ZBTB42: variants seen among roughly 807,000 people sequenced by gnomAD.
The protein encoded by ZBTB42 is zinc finger and BTB domain-containing protein 42.
ZBTB42 carries 3 observed loss-of-function variants against 4.7 expected under a neutral mutation model. That is an observed-to-expected ratio of 0.64 (90% CI 0.29 to 1.66). ZBTB42 has a LOEUF of 1.66. ZBTB42 is among the 40% of genes most tolerant of loss of function. The probability of loss-of-function intolerance (pLI) is 0.10; values close to 1 mark genes in which losing one functional copy is unlikely to be tolerated. For synonymous variants in ZBTB42, 255 were observed against 259.5 expected, an observed-to-expected ratio of 0.98 and a Z score of 0.17; for missense variants, 521 against 577.1, an observed-to-expected ratio of 0.90 and a Z score of 1.00.
Position 104,801,560 on chromosome 14 carries a change from G to A in ZBTB42, c.363G>A (p.Lys121=), listed in dbSNP as rs944946638. The A allele has an allele frequency of 5.2e-6, 8 of 1,550,106 alleles. No individual in the cohort carries two copies. Among genetic ancestry groups the A allele is most frequent in the Non-Finnish European group, 7.0e-6 (8 of 1,146,848 alleles). ...VKVCKGRLQE[K]DRSLDPGNPA... ...TCTGCAAGGGCAGGCTCCAGGAGAAGGATCGAAGTCTGGACCCGGGGAACC... is the reference window on the plus strand; with the variant it reads ...TCTGCAAGGGCAGGCTCCAGGAGAAAGATCGAAGTCTGGACCCGGGGAACC... The change falls in exon 1 of 1, where the codon AAG becomes AAA. Residue 121 remains lysine (K), a synonymous_variant. Transcript: ENST00000342537. This position sits in a 1 kb window ranked among gnomAD's most constrained non-coding sequence, Gnocchi z 4.4.
chr14:104,802,043 G>A lies in ZBTB42; in HGVS notation c.846G>A (p.Ala282=). Residue 282 remains alanine, a synonymous_variant, in exon 1 of 1, where the codon GCG becomes GCA. Transcript: ENST00000342537. This position sits in a 1 kb window ranked among gnomAD's most constrained non-coding sequence, Gnocchi z 5.9. The part of the protein sequence containing the change: ...RELELGAGRL[A]SEDELGPGGP... ...TGGAGCTTGGTGCAGGGCGACTGGC[G>A]AGTGAGGACGAGCTGGGGCCTGGTG... is the stretch of plus-strand genomic sequence containing the variant. The A allele has an allele frequency of 1.3e-6, 2 of 1,496,048 alleles. No individual in the cohort carries two copies. The highest frequency in any genetic ancestry group is 2.5e-5 in the East Asian group (1 of 40,438). The allele number at this position is 1,496,048 out of a possible 1,614,324, so 92.7% of individuals were successfully genotyped here.
rs1276997573 is a variant in ZBTB42 at position 104,804,054 on chromosome 14, A to G, written c.*1588A>G. ...GGCCCTGGATGGCTTTGGTCTCGAG[A>G]CAGCTGGGGGAGGGGCCCTGCTTCT... is the stretch of plus-strand genomic sequence containing the variant. On this transcript the variant is annotated 3_prime_UTR_variant, in exon 1 of 1. Coordinates refer to ENST00000342537, the MANE Select transcript of ZBTB42 (RefSeq NM_001137601.3). 3 of 166,746 alleles carry G rather than the reference A, an allele frequency of 1.8e-5. No homozygotes were observed. 10.3% of individuals were successfully genotyped at this position (166,746 alleles called of 1,614,324 possible). A position where few individuals can be genotyped will look rare whatever the true frequency, so the allele number is the denominator to read the frequency against.
In ZBTB42 at chr14:104,802,696, C is replaced by T. The variant is rs1000065107; in HGVS notation, c.*230C>T. The T allele has an allele frequency of 1.7e-5, 11 of 636,162 alleles. No homozygotes were observed. Among genetic ancestry groups the T allele is most frequent in the Non-Finnish European group, 2.8e-5 (10 of 362,886 alleles). The allele number at this position is 636,162 out of a possible 1,614,324, so 39.4% of individuals were successfully genotyped here. A position where few individuals can be genotyped will look rare whatever the true frequency, so the allele number is the denominator to read the frequency against. On this transcript the variant is annotated 3_prime_UTR_variant, in exon 1 of 1. Coordinates refer to ENST00000342537, the MANE Select transcript of ZBTB42 (RefSeq NM_001137601.3). This position sits in a 1 kb window ranked among gnomAD's most constrained non-coding sequence, Gnocchi z 5.9. ...TCTCCTTTCCCCTCACTCTCCAACT[C>T]ATTCCGGCCCCCAGGCTGTGCCCTG... is the stretch of plus-strand genomic sequence containing the variant.
At position 104,801,812 on chromosome 14, in the gene ZBTB42, C is replaced by T; in HGVS notation, c.615C>T (p.Cys205=). 1.3e-6 allele frequency: 2 copies of T among 1,549,960 alleles called. No homozygotes were observed. The highest frequency in any genetic ancestry group is 1.2e-5 in the South Asian group (1 of 84,004). The part of the protein sequence containing the change: ...GPRQERVHPP[C]VLQTPLCSQR... ...GGCAGGAGCGGGTCCACCCACCGTG[C>T]GTCCTCCAGACACCCCTCTGCAGCC... Residue 205 remains cysteine (C), a synonymous_variant, in exon 1 of 1, where the codon TGC becomes TGT. Coordinates refer to ENST00000342537, the MANE Select transcript of ZBTB42 (RefSeq NM_001137601.3). The surrounding 1 kb of genome is among the most constrained non-coding windows in gnomAD (Gnocchi z 4.4).
chr14:104,801,070 G>A, upstream of ZBTB42: 3 of 1,258,112 alleles, frequency 2.4e-6, no homozygotes, highest in Non-Finnish European at 2.1e-6. This position sits in a 1 kb window ranked among gnomAD's most constrained non-coding sequence, Gnocchi z 4.4. Flanking sequence ...GGCTCTGGAC[G>A]GGAGGTTGCG....
In ZBTB42 at chr14:104,802,691, C is replaced by T; in HGVS notation, c.*225C>T. Reference sequence around the variant, plus strand: ...TTGCCTCTCCTTTCCCCTCACTCTCCAACTCATTCCGGCCCCCAGGCTGTG... The same window carrying T: ...TTGCCTCTCCTTTCCCCTCACTCTCTAACTCATTCCGGCCCCCAGGCTGTG... On this transcript the variant is annotated 3_prime_UTR_variant, in exon 1 of 1. Coordinates refer to ENST00000342537, the MANE Select transcript of ZBTB42 (RefSeq NM_001137601.3). This position sits in a 1 kb window ranked among gnomAD's most constrained non-coding sequence, Gnocchi z 5.9. The T allele has an allele frequency of 1.5e-6, 1 of 648,866 alleles. No homozygotes were observed. The highest frequency in any genetic ancestry group is 2.7e-6 in the Non-Finnish European group (1 of 373,188). 40.2% of individuals were successfully genotyped at this position (648,866 alleles called of 1,614,324 possible). A position where few individuals can be genotyped will look rare whatever the true frequency, so the allele number is the denominator to read the frequency against.
Position 104,801,209 on chromosome 14 carries a change from T to C in ZBTB42, c.12T>C (p.Pro4=). Residue 4 remains proline, a synonymous_variant, in exon 1 of 1, where the codon CCT becomes CCC. Coordinates refer to ENST00000342537, the MANE Select transcript of ZBTB42 (RefSeq NM_001137601.3). This position sits in a 1 kb window ranked among gnomAD's most constrained non-coding sequence, Gnocchi z 4.4. ...ATGACGGCGGCGGCATGGAGTTCCC[T>C]GAGCACGGCGGACGGCTGCTGGGCC... is the stretch of plus-strand genomic sequence containing the variant. MEF[P]EHGGRLLGRL... is the part of the protein sequence containing the mutation. The C allele has an allele frequency of 7.0e-7, 1 of 1,437,440 alleles. No homozygotes were observed. The highest frequency in any genetic ancestry group is 9.1e-7 in the Non-Finnish European group (1 of 1,099,034). The allele number at this position is 1,437,440 out of a possible 1,614,324, so 89.0% of individuals were successfully genotyped here. A position where few individuals can be genotyped will look rare whatever the true frequency, so the allele number is the denominator to read the frequency against.
Position 104,803,787 on chromosome 14 carries a change from C to G in ZBTB42, c.*1321C>G, listed in dbSNP as rs1894108919. On this transcript the variant is annotated 3_prime_UTR_variant, in exon 1 of 1. Coordinates refer to ENST00000342537, the MANE Select transcript of ZBTB42 (RefSeq NM_001137601.3). ...TGGGGGTCGGCAGGTGCAGAGCCAC[C>G]TGGACGCCTGGAGACCACCTGGGAT... 6.0e-6 allele frequency: 1 copy of G among 166,880 alleles called. No homozygotes were observed. The highest frequency in any genetic ancestry group is 6.5e-5 in the Admixed American group (1 of 15,294). The allele number at this position is 166,880 out of a possible 1,614,324, so 10.3% of individuals were successfully genotyped here.
At chr14:104,800,730 G>GCCCGC, upstream of ZBTB42, 1 of 145,770 alleles carries the variant, frequency 6.9e-6, no homozygotes, top group East Asian at 2.0e-4. This position sits in a 1 kb window ranked among gnomAD's most constrained non-coding sequence, Gnocchi z 5.3. Flanking sequence ...TCCCGGCTCT[G>GCCCGC]CCCGCCCCGC....
Position 104,803,071 on chromosome 14 carries a change from T to A in ZBTB42, c.*605T>A. On this transcript the variant is annotated 3_prime_UTR_variant, in exon 1 of 1. Transcript: ENST00000342537. ...TCTGGGCACAGCTGGTGTCTCGGGG[T>A]GGGGGGGGGGGTGCAGCCCCAGCAG... 1.3e-5 allele frequency: 1 copy of A among 77,350 alleles called. No individual in the cohort carries two copies. The highest frequency in any genetic ancestry group is 5.9e-4 in the East Asian group (1 of 1,690). 4.8% of individuals were successfully genotyped at this position (77,350 alleles called of 1,614,324 possible).
Position 104,801,513 on chromosome 14 carries a change from C to G in ZBTB42, c.316C>G (p.His106Asp), listed in dbSNP as rs1340062680. The change falls in exon 1 of 1, where the codon CAC becomes GAC. Residue 106 changes from histidine (H) to aspartate (D), a missense_variant. His to Asp is a moderately conservative substitution (Grantham distance 81, BLOSUM62 -1). Transcript: ENST00000342537. This position sits in a 1 kb window ranked among gnomAD's most constrained non-coding sequence, Gnocchi z 4.4. ...EDVLAAASYLHMYDIVKVCKG... is the reference protein window; with the variant it reads ...EDVLAAASYLDMYDIVKVCKG... The stretch of plus-strand genomic sequence containing the variant: ...CGTCCTGGCAGCCGCCAGCTACCTG[C>G]ACATGTATGACATCGTCAAGGTCTG... 1.9e-6 allele frequency: 3 copies of G among 1,550,106 alleles called. No individual in the cohort carries two copies. The African/African-American group carries it at 4.1e-5, about 21-fold the overall frequency.
chr14:104,804,667 C>G lies in ZBTB42; in HGVS notation c.*2201C>G, dbSNP rs1318214853. ...GCGTGGGAATGGGTGCTGTCTTCCTCTTTTCACATCATGGCGACAGTAATA... is the reference window on the plus strand; with the variant it reads ...GCGTGGGAATGGGTGCTGTCTTCCTGTTTTCACATCATGGCGACAGTAATA... On this transcript the variant is annotated 3_prime_UTR_variant, in exon 1 of 1. Coordinates refer to ENST00000342537, the MANE Select transcript of ZBTB42 (RefSeq NM_001137601.3). 1 of 166,658 alleles carries G rather than the reference C, an allele frequency of 6.0e-6. No individual in the cohort carries two copies. The highest frequency in any genetic ancestry group is 1.5e-5 in the Non-Finnish European group (1 of 68,124). The allele number at this position is 166,658 out of a possible 1,614,324, so 10.3% of individuals were successfully genotyped here.
At position 104,802,251 on chromosome 14, in the gene ZBTB42, C is replaced by T. The variant is rs1228513155; in HGVS notation, c.1054C>T (p.His352Tyr). ...TFSCTYTLKRHERTHSGEKPY... is the reference protein window; with the variant it reads ...TFSCTYTLKRYERTHSGEKPY... Reference sequence around the variant, plus strand: ...CTCGTGCACATACACACTGAAGAGGCACGAGCGGACACACTCGGGTGAGAA... The same window carrying T: ...CTCGTGCACATACACACTGAAGAGGTACGAGCGGACACACTCGGGTGAGAA... Residue 352 changes from histidine (H) to tyrosine (Y), a missense_variant, in exon 1 of 1, where the codon CAC becomes TAC. His to Tyr is a moderately conservative substitution (Grantham distance 83). Transcript: ENST00000342537. The surrounding 1 kb of genome is among the most constrained non-coding windows in gnomAD (Gnocchi z 5.9). 1.3e-6 allele frequency: 2 copies of T among 1,550,360 alleles called. No individual in the cohort carries two copies. The highest frequency in any genetic ancestry group is 1.7e-6 in the Non-Finnish European group (2 of 1,146,980).
chr14:104,804,519 A>C lies in ZBTB42; in HGVS notation c.*2053A>C, dbSNP rs552124159. Reference sequence around the variant, plus strand: ...AGAGGCCTGTGCAGACACAAGGCAAACAGCGTCAGCAGCGTGGGGGTCTCC... The same window carrying C: ...AGAGGCCTGTGCAGACACAAGGCAACCAGCGTCAGCAGCGTGGGGGTCTCC... On this transcript the variant is annotated 3_prime_UTR_variant, in exon 1 of 1. Transcript: ENST00000342537. The C allele has an allele frequency of 2.4e-5, 4 of 167,070 alleles. No individual in the cohort carries two copies. In the East Asian group the frequency reaches 7.7e-4, roughly 32 times the overall value. The allele number at this position is 167,070 out of a possible 1,614,324, so 10.3% of individuals were successfully genotyped here.
At position 104,804,477 on chromosome 14, in the gene ZBTB42, G is replaced by T. The variant is rs760847549; in HGVS notation, c.*2011G>T. ...TGTACATATATTTAAGACACTAATT[G>T]TGTGGGAGAGTTTAGTAGAGGCCTG... On this transcript the variant is annotated 3_prime_UTR_variant, in exon 1 of 1. Transcript: ENST00000342537. The T allele has an allele frequency of 6.0e-6, 1 of 166,958 alleles. No homozygotes were observed. Among genetic ancestry groups the T allele is most frequent in the African/African-American group, 2.4e-5 (1 of 41,470 alleles). The allele number at this position is 166,958 out of a possible 1,614,324, so 10.3% of individuals were successfully genotyped here. A position where few individuals can be genotyped will look rare whatever the true frequency, so the allele number is the denominator to read the frequency against.
chr14:104,804,242 A>G lies in ZBTB42; in HGVS notation c.*1776A>G, dbSNP rs569552817. The G allele has an allele frequency of 3.6e-5, 6 of 166,928 alleles. 1 individual carries two copies. Among genetic ancestry groups the G allele is most frequent in the African/African-American group, 1.4e-4 (6 of 41,540 alleles). The allele number at this position is 166,928 out of a possible 1,614,324, so 10.3% of individuals were successfully genotyped here. Reference sequence around the variant, plus strand: ...CGGCACCCCGTAGATGGGCAGCTACACTGCCACCCAAGCACGGAGATGTGG... The same window carrying G: ...CGGCACCCCGTAGATGGGCAGCTACGCTGCCACCCAAGCACGGAGATGTGG... On this transcript the variant is annotated 3_prime_UTR_variant, in exon 1 of 1. Transcript: ENST00000342537.
At chr14:104,800,854 G>C (rs1469650596), upstream of ZBTB42, 3 of 158,722 alleles carry the variant, frequency 1.9e-5, no homozygotes, top group Non-Finnish European at 4.1e-5. The surrounding 1 kb of genome is among the most constrained non-coding windows in gnomAD (Gnocchi z 5.3). Context: ...GGCGTGGGGC[G>C]GGTGGCGGCG....
Position 104,802,191 on chromosome 14 carries a change from G to T in ZBTB42, c.994G>T (p.Val332Leu). ...STRARLSPDG[V>L]APTCPLCGKT... ...CCGGGCCCGGCTCTCACCCGACGGC[G>T]TGGCACCCACCTGCCCGCTCTGTGG... The change falls in exon 1 of 1, where the codon GTG (valine) becomes TTG (leucine). Residue 332 changes from valine (V) to leucine (L), a missense_variant. Physicochemically the swap from Val to Leu is conservative, Grantham distance 32. Transcript: ENST00000342537. The surrounding 1 kb of genome is among the most constrained non-coding windows in gnomAD (Gnocchi z 5.9). The T allele has an allele frequency of 6.5e-7, 1 of 1,549,766 alleles. No homozygotes were observed. The highest frequency in any genetic ancestry group is 8.7e-7 in the Non-Finnish European group (1 of 1,146,928).
At position 104,801,846 on chromosome 14, in the gene ZBTB42, C is replaced by T. The variant is rs1387198760; in HGVS notation, c.649C>T (p.Pro217Ser). ...LQTPLCSQRQ[P>S]GAQPLVKDER... ...GACACCCCTCTGCAGCCAGAGGCAG[C>T]CAGGGGCCCAGCCACTGGTGAAGGA... The change falls in exon 1 of 1, where the codon CCA (proline) becomes TCA (serine). Residue 217 changes from proline to serine, a missense_variant. Pro to Ser is a moderately conservative substitution (Grantham distance 74). Transcript: ENST00000342537. This position sits in a 1 kb window ranked among gnomAD's most constrained non-coding sequence, Gnocchi z 4.4. The T allele has an allele frequency of 3.2e-6, 5 of 1,550,080 alleles. No homozygotes were observed. Among genetic ancestry groups the T allele is most frequent in the Non-Finnish European group, 4.4e-6 (5 of 1,146,908 alleles).
Sources: gnomAD v4.1 joint callset for allele counts on GRCh38, gnomAD v4.1.1 for gene constraint, Gnocchi (gnomAD v3.1) non-coding constraint, MANE v1.5 for transcripts, NCBI Gene and HGNC (gene_info 2026-07-23, HGNC 2026-07-21) for gene names.